DDX19B: variants seen among roughly 807,000 people sequenced by gnomAD.
DDX19B encodes ATP-dependent RNA helicase DDX19B.
Under a neutral mutation model 58.1 loss-of-function variants are expected in DDX19B, and 27 were observed. The observed-to-expected ratio is 0.46, with a 90% confidence interval of 0.34 to 0.64. The LOEUF (loss-of-function observed/expected upper bound fraction) is 0.64. DDX19B is among the 30% of genes least tolerant of loss of function. The pLI is 0.01. For missense variants in DDX19B, 399 were observed against 596.5 expected (o/e 0.67, Z 3.45); for synonymous variants, 187 against 214.4 (o/e 0.87, Z 1.12).
intron 4 of DDX19B, among the ~76,000 whole-genome samples, chr16:70,316,636 C>T (rs1010413127): frequency 1.3e-5 from 2 of 152,110 alleles, no homozygotes; most frequent in Non-Finnish European, 2.9e-5. Context: ...GGCAACATAG[C>T]GAGACCAGAC....
At chr16:70,294,856 C>T, upstream of DDX19B, 1 of 1,522,630 alleles carries the variant, frequency 6.6e-7, no homozygotes, top group Non-Finnish European at 8.8e-7. Context: ...ATGGCTGGGG[C>T]TGCCGGGCGC....
intron 1 of DDX19B, among the ~76,000 whole-genome samples, chr16:70,306,106 C>T (rs945601347): frequency 6.6e-6 from 1 of 151,382 alleles, no homozygotes; most frequent in African/African-American, 2.4e-5. Context: ...ACTATTTTAA[C>T]TAACTTCTTG....
At chr16:70,316,211 G>GTTT (rs35388962) in intron 4 of DDX19B, 107 bp downstream of exon 4, 923 of 1,206,678 alleles carry the variant, frequency 7.6e-4, no homozygotes, top group South Asian at 1.1e-3. Context: ...AGCTAACCAA[G>GTTT]TTTTTTTTTT....
chr16:70,317,637 A>C, intron 5 of DDX19B, 49 bp downstream of exon 5: 5 of 1,538,462 alleles, frequency 3.2e-6, no homozygotes, highest in Non-Finnish European at 4.5e-6. Context: ...TCTATTTTTG[A>C]AAACTATTAT....
At chr16:70,323,350 C>T (rs531924373) in intron 5 of DDX19B, among the ~76,000 whole-genome samples, 18 of 152,030 alleles carry the variant, frequency 1.2e-4, no homozygotes, top group Admixed American at 7.9e-4. Flanking sequence ...CAAGAAATCA[C>T]CCACCTCAAC....
intron 1 of DDX19B, among the ~76,000 whole-genome samples, chr16:70,309,616 G>A (rs1467483918): frequency 1.3e-5 from 2 of 151,530 alleles, no homozygotes; most frequent in Admixed American, 6.6e-5. Context: ...TCGAGAGTTC[G>A]AGACCAGCCT....
chr16:70,291,019 G>A (rs1301220367), upstream of DDX19B, among the ~76,000 whole-genome samples: 2 of 152,090 alleles, frequency 1.3e-5, no homozygotes, highest in Non-Finnish European at 2.9e-5. Context: ...TATGCAAAAA[G>A]AGCATCCTAC....
intron 1 of DDX19B, among the ~76,000 whole-genome samples, chr16:70,301,513 G>C (rs1037533339): frequency 4.6e-5 from 7 of 151,998 alleles, no homozygotes; most frequent in Non-Finnish European, 1.0e-4. Context: ...ATATGTCTTG[G>C]TATGGGTGTA....
At chr16:70,295,128 G>A, upstream of DDX19B, 2 of 1,181,934 alleles carry the variant, frequency 1.7e-6, no homozygotes, top group East Asian at 3.2e-5. Context: ...GGGAATAAAT[G>A]CAGGAGGCTG....
Position 70,331,775 on chromosome 16 carries a change from G to A in DDX19B, c.1077G>A (p.Gln359=). 3.7e-6 allele frequency: 6 copies of A among 1,614,236 alleles called. No individual in the cohort carries two copies. The highest frequency in any genetic ancestry group is 5.1e-6 in the Non-Finnish European group (6 of 1,180,042). ...LAAELSKEGH[Q]VALLSGEMMV... is the part of the protein sequence containing the mutation. The stretch of plus-strand genomic sequence containing the variant: ...CAGAGCTCTCAAAAGAAGGCCACCA[G>A]GTGGCTCTGCTGAGTGGGGAGATGA... Residue 359 remains glutamine (Q), a synonymous_variant, in exon 10 of 12, where the codon CAG becomes CAA. Transcript: ENST00000288071.
chr16:70,314,696 CTATATA>C, intron 2 of DDX19B, 200 bp from the exon 3 acceptor site: 1 of 254,404 alleles, frequency 3.9e-6, no homozygotes, highest in South Asian at 5.1e-5. Context: ...AAATATCTAT[CTATATA>C]TATATATATG....
chr16:70,330,077 C>T lies in DDX19B; in HGVS notation c.1023+9C>T, dbSNP rs1963400292. On this transcript the variant is annotated intron_variant, in intron 9 of 11. Coordinates refer to ENST00000288071, the MANE Select transcript of DDX19B (RefSeq NM_007242.7). ...CCATGATCTTCTGCCATGTGAGTAGCAGTGGCAGTGGCAGGCCTGGCCCTT... is the reference window on the plus strand; with the variant it reads ...CCATGATCTTCTGCCATGTGAGTAGTAGTGGCAGTGGCAGGCCTGGCCCTT... 1 of 1,613,806 alleles carries T rather than the reference C, an allele frequency of 6.2e-7. No homozygotes were observed. Among genetic ancestry groups the T allele is most frequent in the Non-Finnish European group, 8.5e-7 (1 of 1,179,744 alleles).
At chr16:70,298,760 A>G (rs953811112), upstream of DDX19B, among the ~76,000 whole-genome samples, 28 of 152,144 alleles carry the variant, frequency 1.8e-4, no homozygotes, top group African/African-American at 6.5e-4. Flanking sequence ...GTTTTGTTAC[A>G]TGCCTAACAA....
chr16:70,299,124 G>T, upstream of DDX19B: 2 of 1,351,976 alleles, frequency 1.5e-6, no homozygotes. Context: ...AGCCTCAAGT[G>T]GGCAAAGGGT....
intron 2 of DDX19B, among the ~76,000 whole-genome samples, chr16:70,314,535 G>C (rs548251800): frequency 6.6e-6 from 1 of 151,844 alleles, no homozygotes; most frequent in African/African-American, 2.4e-5. Context: ...GTGGTGGCGG[G>C]TGCCTGTAAT....
chr16:70,330,184 C>T, intron 9 of DDX19B, 116 bp downstream of exon 9: 1 of 1,260,118 alleles, frequency 7.9e-7, no homozygotes, highest in Non-Finnish European at 1.1e-6. Context: ...GGTTTGTTCT[C>T]CTAAGGTTTT....
At position 70,325,569 on chromosome 16, in the gene DDX19B, G is replaced by A; in HGVS notation, c.493-5G>A. 1 of 1,604,570 alleles carries A rather than the reference G, an allele frequency of 6.2e-7. No homozygotes were observed. The highest frequency in any genetic ancestry group is 2.2e-5 in the East Asian group (1 of 44,818). On this transcript the variant is annotated splice_region_variant and splice_polypyrimidine_tract_variant and intron_variant, in intron 6 of 11. Coordinates refer to ENST00000288071, the MANE Select transcript of DDX19B (RefSeq NM_007242.7). ...AATTTGCACTCTGCATTCTTTTCCT[G>A]CCAGTGTCTATGTCTCTCCCCAACG...
At chr16:70,327,002 T>G (rs1417751990) in intron 7 of DDX19B, among the ~76,000 whole-genome samples, 3 of 151,786 alleles carry the variant, frequency 2.0e-5, no homozygotes, top group Admixed American at 6.6e-5. Flanking sequence ...GCCCAGCTAA[T>G]TTTTTGTATT....
chr16:70,303,781 G>A (rs559402335), intron 1 of DDX19B, among the ~76,000 whole-genome samples: 14 of 151,616 alleles, frequency 9.2e-5, no homozygotes, highest in South Asian at 6.3e-4. Flanking sequence ...GGATGGTCTC[G>A]ACCTCCCGAT....
Sources: allele counts gnomAD v4.1 joint callset (sites outside exome capture counted in the v4.1 genomes callset), GRCh38; gene constraint gnomAD v4.1.1; transcripts MANE v1.5; gene names NCBI Gene and HGNC (gene_info 2026-07-23, HGNC 2026-07-21).